The following ABCA12 variants were observed in gnomAD, a reference collection of about 807,000 sequenced individuals.
The protein encoded by ABCA12 is ATP binding cassette subfamily A member 12, also known as glucosylceramide transporter ABCA12.
In ABCA12, 156 loss-of-function variants were observed where a neutral mutation model predicts 293.5. The observed-to-expected ratio is 0.53, with a 90% CI of 0.47 to 0.61. The LOEUF is 0.61. Among genes scored for constraint, ABCA12 ranks in the 20% least tolerant of loss-of-function variants. The pLI is 0.00. For missense variants in ABCA12, 2,797 were observed against 3,090.2 expected (o/e 0.91, Z 2.25); for synonymous variants, 1,063 against 1,108.0 (o/e 0.96, Z 0.81).
chr2:215,010,272 T>A, intron 18 of ABCA12, 59 bp downstream of exon 18: 1 of 1,593,578 alleles, frequency 6.3e-7, no homozygotes. Flanking sequence ...ATTTGGAAGT[T>A]GACTACTTTA....
At chr2:214,999,892 G>A (rs1700105189) in intron 22 of ABCA12, 1 of 937,002 alleles carries the variant, frequency 1.1e-6, no homozygotes, top group African/African-American at 1.8e-5. Context: ...GAAAAAAGAA[G>A]AGAAAAGAAA....
At chr2:214,974,722 C>T in intron 35 of ABCA12, 56 bp downstream of exon 35, 1 of 1,513,110 alleles carries the variant, frequency 6.6e-7, no homozygotes. Flanking sequence ...CATACACATG[C>T]ACACACTCAA....
intron 24 of ABCA12, 86 bp downstream of exon 24, chr2:214,990,616 A>T (rs1228162998): frequency 7.3e-7 from 1 of 1,371,512 alleles, no homozygotes; most frequent in Non-Finnish European, 1.0e-6. Context: ...AGATAAGTGA[A>T]CTTTCAGTCT....
chr2:215,061,554 A>C (rs1701528640), intron 3 of ABCA12, among the ~76,000 whole-genome samples: 1 of 152,110 alleles, frequency 6.6e-6, no homozygotes, highest in Admixed American at 6.6e-5. Context: ...ATCCAGTAAA[A>C]TATATGCCAG....
chr2:215,134,063 A>G (rs1290206253), intron 1 of ABCA12, among the ~76,000 whole-genome samples: 3 of 152,060 alleles, frequency 2.0e-5, no homozygotes, highest in East Asian at 1.9e-4. Context: ...TACAAAAAAA[A>G]AGAGAGAGAC....
At chr2:214,991,986 C>A (rs114520705) in intron 23 of ABCA12, among the ~76,000 whole-genome samples, 1 of 152,008 alleles carries the variant, frequency 6.6e-6, no homozygotes, top group African/African-American at 2.4e-5. Context: ...ACCTATGTGA[C>A]AAACCTACAC....
At chr2:215,058,371 G>A (rs1701461535) in intron 3 of ABCA12, among the ~76,000 whole-genome samples, 2 of 151,946 alleles carry the variant, frequency 1.3e-5, no homozygotes, top group South Asian at 4.1e-4. Context: ...TCAAGGTTGA[G>A]AAACCCTGTG....
chr2:215,056,319 A>G (rs1701419654), intron 3 of ABCA12, among the ~76,000 whole-genome samples: 2 of 152,150 alleles, frequency 1.3e-5, no homozygotes, highest in South Asian at 2.1e-4. Context: ...ACTCCTACAA[A>G]TAGCATTTAA....
chr2:215,126,281 T>C (rs1559209026), intron 1 of ABCA12, among the ~76,000 whole-genome samples: 1 of 152,094 alleles, frequency 6.6e-6, no homozygotes, highest in Non-Finnish European at 1.5e-5. Flanking sequence ...CCTTTCCTGG[T>C]TTTGGTATTA....
At chr2:215,021,059 C>T (rs1313425772) in intron 11 of ABCA12, among the ~76,000 whole-genome samples, 1 of 152,210 alleles carries the variant, frequency 6.6e-6, no homozygotes, top group Non-Finnish European at 1.5e-5. Flanking sequence ...CCTTGTTGCC[C>T]TGGCTGGTCT....
chr2:214,932,667 A>C lies in ABCA12; in HGVS notation c.7755T>G (p.Ser2585Arg). ...CCATCTGGTCATCTTGTGAGTCAAC[A>C]CTTATAGTGGAACCTTGGCTGCTGG... Reference protein sequence around the residue: ...ADTSSQGSTISVDSQDDQMES With the variant: ...ADTSSQGSTIRVDSQDDQMES Residue 2585 changes from serine (S) to arginine (R), a missense_variant, in exon 53 of 53, where the codon AGT (serine) becomes AGG (arginine). By Grantham distance (110) the Ser-to-Arg change is moderately radical. This residue lies in a region of ABCA12 where 2,130 missense variants were observed against 2,427.0 expected (regional missense o/e 0.88). Coordinates refer to ENST00000272895, the MANE Select transcript of ABCA12 (RefSeq NM_173076.3). 6.2e-7 allele frequency: 1 copy of C among 1,613,562 alleles called. No homozygotes were observed. Among genetic ancestry groups the C allele is most frequent in the Non-Finnish European group, 8.5e-7 (1 of 1,179,702 alleles).
intron 17 of ABCA12, 128 bp downstream of exon 17, chr2:215,011,311 T>A (rs973423980): frequency 1.3e-6 from 1 of 748,242 alleles, no homozygotes; most frequent in African/African-American, 1.8e-5. Flanking sequence ...AAGTGCTGTA[T>A]AATTATTTTC....
chr2:214,965,354 A>C (rs189807698), intron 39 of ABCA12, among the ~76,000 whole-genome samples: 54 of 152,334 alleles, frequency 3.5e-4, no homozygotes, highest in Middle Eastern at 3.4e-3. Flanking sequence ...AAAACAAAGC[A>C]ATTGCAACAA....
At chr2:214,954,677 C>G (rs1384847511) in intron 43 of ABCA12, among the ~76,000 whole-genome samples, 2 of 152,190 alleles carry the variant, frequency 1.3e-5, no homozygotes, top group Non-Finnish European at 2.9e-5. Context: ...CCTCTCTATT[C>G]TTTTCTGTTC....
intron 39 of ABCA12, among the ~76,000 whole-genome samples, chr2:214,961,097 C>T (rs906645574): frequency 1.5e-4 from 23 of 152,072 alleles, no homozygotes; most frequent in Non-Finnish European, 2.8e-4. Context: ...ATTTTTAAAA[C>T]CAGTAACATT....
At chr2:214,963,237 C>A (rs1469481214) in intron 39 of ABCA12, 1 of 151,994 alleles carries the variant, frequency 6.6e-6, no homozygotes, top group Non-Finnish European at 1.5e-5. Flanking sequence ...GGGGATAGTA[C>A]CGCTGACCCC....
At position 214,975,814 on chromosome 2, in the gene ABCA12, A is replaced by G. The variant is rs566897301; in HGVS notation, c.5352T>C (p.Tyr1784=). The change falls in exon 34 of 53, where the codon TAT becomes TAC. Residue 1784 remains tyrosine, a synonymous_variant. Transcript: ENST00000272895. ...YPEIQISPSL[Y]GTSEQTAFYA... ...AGAAGGCTGTCTGTTCGGAGGTACC[A>G]TAAAGAGAGGGGGAGATCTGAATCT... 1.9e-6 allele frequency: 3 copies of G among 1,614,144 alleles called. No homozygotes were observed. Among genetic ancestry groups the G allele is most frequent in the African/African-American group, 1.3e-5 (1 of 75,054 alleles).
intron 44 of ABCA12, 110 bp downstream of exon 44, chr2:214,953,744 C>T (rs958063029): frequency 1.4e-6 from 2 of 1,395,266 alleles, no homozygotes; most frequent in African/African-American, 2.9e-5. Flanking sequence ...GTTTTTGAGC[C>T]AAACATTTCC....
At chr2:215,016,497 G>T (rs1034134231) in intron 14 of ABCA12, among the ~76,000 whole-genome samples, 4 of 142,158 alleles carry the variant, frequency 2.8e-5, no homozygotes, top group African/African-American at 1.0e-4. Context: ...GCAGGAGAAT[G>T]GTGAGAACCC....
Sources: allele counts gnomAD v4.1 joint callset (sites outside exome capture counted in the v4.1 genomes callset), GRCh38; gene constraint gnomAD v4.1.1; regional missense constraint gnomAD v4.1.1; transcripts MANE v1.5; gene names NCBI Gene and HGNC (gene_info 2026-07-23, HGNC 2026-07-21).